MUC7: variants seen among roughly 807,000 people sequenced by gnomAD.
MUC7 encodes mucin-7.
In MUC7, 2 loss-of-function variants were observed where a neutral mutation model predicts 2.5. The ratio of observed to expected loss-of-function variants is 0.81; its 90% CI spans 0.33 to 2.55. The LOEUF (loss-of-function observed/expected upper bound fraction) is 2.55, where lower values mean the gene tolerates loss of function less well. Ranked by LOEUF, MUC7 falls within the 30% of genes most tolerant of loss-of-function variation. MUC7 has a pLI of 0.11. For synonymous variants in MUC7, 133 were observed against 173.4 expected (o/e 0.77, Z 1.83); for missense variants, 408 against 455.6 (o/e 0.90, Z 0.95).
intron 1 of MUC7, among the ~76,000 whole-genome samples, chr4:70,444,775 G>T (rs1734087564): frequency 6.6e-6 from 1 of 152,142 alleles, no homozygotes; most frequent in Non-Finnish European, 1.5e-5. Context: ...TTTTGGGCCA[G>T]GTGCGGTGGC....
chr4:70,445,868 C>T (rs1734121200), intron 1 of MUC7, among the ~76,000 whole-genome samples: 1 of 152,220 alleles, frequency 6.6e-6, no homozygotes, highest in Admixed American at 6.5e-5. Context: ...TACAACGGAA[C>T]AACTGCCAAG....
intron 2 of MUC7, among the ~76,000 whole-genome samples, chr4:70,479,769 T>C (rs769227682): frequency 1.3e-5 from 2 of 152,222 alleles, no homozygotes; most frequent in African/African-American, 4.8e-5. Flanking sequence ...CCACATGGCA[T>C]AGAAGTTATT....
chr4:70,451,885 T>C (rs1734289829), intron 1 of MUC7, among the ~76,000 whole-genome samples: 1 of 152,232 alleles, frequency 6.6e-6, no homozygotes, highest in South Asian at 2.1e-4. Flanking sequence ...TATTATTGTA[T>C]TGGAGTCCAT....
At chr4:70,458,739 C>G (rs1317650197) in intron 1 of MUC7, among the ~76,000 whole-genome samples, 2 of 151,914 alleles carry the variant, frequency 1.3e-5, no homozygotes, top group African/African-American at 4.8e-5. Flanking sequence ...AGATTGTATT[C>G]CATATTTTCA....
chr4:70,435,867 T>C (rs1733818801), intron 1 of MUC7, among the ~76,000 whole-genome samples: 1 of 152,218 alleles, frequency 6.6e-6, no homozygotes, highest in African/African-American at 2.4e-5. Flanking sequence ...GTTTAGTGCT[T>C]CCTTCAGGAA....
At chr4:70,447,006 C>T (rs970995321) in intron 1 of MUC7, among the ~76,000 whole-genome samples, 53 of 114,444 alleles carry the variant, frequency 4.6e-4, no homozygotes, top group African/African-American at 1.7e-3. Flanking sequence ...CAGACAAGTG[C>T]AAATGAGAAA....
chr4:70,470,303 T>C (rs1451401941), upstream of MUC7, among the ~76,000 whole-genome samples: 1 of 152,162 alleles, frequency 6.6e-6, no homozygotes, highest in Admixed American at 6.5e-5. Context: ...AAATACCTAA[T>C]GTAGGTGACA....
At chr4:70,472,111 A>G (rs191371932), upstream of MUC7, 2 of 152,214 alleles carry the variant, frequency 1.3e-5, no homozygotes, top group East Asian at 3.8e-4. Context: ...CTTGACACAA[A>G]TGACCTTATC....
intron 2 of MUC7, among the ~76,000 whole-genome samples, chr4:70,477,828 A>G (rs1340637147): frequency 6.6e-6 from 1 of 152,242 alleles, no homozygotes; most frequent in Non-Finnish European, 1.5e-5. Flanking sequence ...AAAGTGTTAC[A>G]TGAAGACTTT....
At chr4:70,465,335 C>T (rs1382584694) in intron 1 of MUC7, among the ~76,000 whole-genome samples, 1 of 152,104 alleles carries the variant, frequency 6.6e-6, no homozygotes, top group African/African-American at 2.4e-5. Flanking sequence ...AACCAGAATG[C>T]CTCTTCCCCT....
chr4:70,482,026 AC>A lies in MUC7; in HGVS notation c.*150del. 9.8e-7 allele frequency: 1 copy of A among 1,019,806 alleles called. No homozygotes were observed. Among genetic ancestry groups the A allele is most frequent in the Non-Finnish European group, 1.4e-6 (1 of 718,348 alleles). The allele number at this position is 1,019,806 out of a possible 1,614,324, so 63.2% of individuals were successfully genotyped here. On this transcript the variant is annotated 3_prime_UTR_variant, in exon 3 of 3. Coordinates refer to ENST00000304887, the MANE Select transcript of MUC7 (RefSeq NM_152291.3). Reference sequence around the variant, plus strand: ...CATTAATCTTTCAATCTAATTATTCACCACCACAAGACCTATTAACAAGACA... The same window carrying A: ...CATTAATCTTTCAATCTAATTATTCACACCACAAGACCTATTAACAAGACA...
rs181413043 is a variant in MUC7, at chr4:70,434,024, C to T, written c.-93+3337C>T. ...TTGGTTCTGTTTACATGATGGATTACGTTTATTGATTTATGTTGAACCAGC... is the reference window on the plus strand; with the variant it reads ...TTGGTTCTGTTTACATGATGGATTATGTTTATTGATTTATGTTGAACCAGC... On this transcript the variant is annotated intron_variant, in intron 1 of 3. Transcript: ENST00000413702. Among the ~76,000 whole-genome samples the T allele has an allele frequency of 8.6e-5, 13 of 151,932 alleles. No homozygotes were observed. The East Asian group carries it at 9.7e-4, about 11-fold the overall frequency.
chr4:70,465,511 G>A (rs1734661668), intron 1 of MUC7, among the ~76,000 whole-genome samples: 1 of 152,118 alleles, frequency 6.6e-6, no homozygotes, highest in African/African-American at 2.4e-5. Flanking sequence ...AAAAAGGTTA[G>A]CAGAATTGCT....
intron 1 of MUC7, among the ~76,000 whole-genome samples, chr4:70,453,221 A>C (rs1395832980): frequency 6.6e-6 from 1 of 152,234 alleles, no homozygotes; most frequent in East Asian, 1.9e-4. Context: ...CAGGACAGCC[A>C]GTTCCCTCAG....
Position 70,481,916 on chromosome 4 carries a change from A to G in MUC7, c.*38A>G. On this transcript the variant is annotated 3_prime_UTR_variant, in exon 3 of 3. Coordinates refer to ENST00000304887, the MANE Select transcript of MUC7 (RefSeq NM_152291.3). Reference sequence around the variant, plus strand: ...TGTAAAGTGTTCTGTCATTTACAAGATGTGATTCATGAGTGCAGAACTACC... The same window carrying G: ...TGTAAAGTGTTCTGTCATTTACAAGGTGTGATTCATGAGTGCAGAACTACC... 2 of 1,587,204 alleles carry G rather than the reference A, an allele frequency of 1.3e-6. No homozygotes were observed. The highest frequency in any genetic ancestry group is 1.7e-6 in the Non-Finnish European group (2 of 1,167,014).
intron 2 of MUC7, among the ~76,000 whole-genome samples, chr4:70,477,971 G>T (rs1026251035): frequency 6.6e-6 from 1 of 152,084 alleles, no homozygotes; most frequent in African/African-American, 2.4e-5. Flanking sequence ...TTAGAGGCAT[G>T]CATTTTCAAC....
In MUC7 at chr4:70,480,891, T is replaced by C; in HGVS notation, c.147T>C (p.Pro49=). The stretch of plus-strand genomic sequence containing the variant: ...CTCACTTTGAATTACCACATTATCC[T>C]GGACTGCTAGCTCACCAGAAGCCGT... ...PKSHFELPHY[P]GLLAHQKPFI... The change falls in exon 3 of 3, where the codon CCT becomes CCC. Residue 49 remains proline, a synonymous_variant. Coordinates refer to ENST00000304887, the MANE Select transcript of MUC7 (RefSeq NM_152291.3). 1 of 1,614,200 alleles carries C rather than the reference T, an allele frequency of 6.2e-7. No homozygotes were observed. Among genetic ancestry groups the C allele is most frequent in the East Asian group, 2.2e-5 (1 of 44,868 alleles).
At chr4:70,436,438 A>T (rs10050067) in intron 1 of MUC7, among the ~76,000 whole-genome samples, 91,473 of 150,910 alleles carry the variant, frequency 0.61, 28,935 homozygotes, top group Admixed American at 0.74. Flanking sequence ...TTCTCACTTT[A>T]TTTCATTAAT....
At chr4:70,455,589 C>T (rs1734391187) in intron 1 of MUC7, among the ~76,000 whole-genome samples, 1 of 151,988 alleles carries the variant, frequency 6.6e-6, no homozygotes, top group South Asian at 2.1e-4. Context: ...TTTACAGAGC[C>T]TGGTATCAAA....
Sources: gnomAD v4.1 joint callset for allele counts (sites outside exome capture counted in the v4.1 genomes callset) on GRCh38, gnomAD v4.1.1 for gene constraint, MANE v1.5 for transcripts, NCBI Gene and HGNC (gene_info 2026-07-23, HGNC 2026-07-21) for gene names.